The following STMN2 variants were observed in gnomAD, a reference collection of about 807,000 sequenced individuals.
The protein encoded by STMN2 is stathmin 2.
In STMN2, 2 loss-of-function variants were observed where a neutral mutation model predicts 24.1. The observed-to-expected ratio is 0.08, with a 90% CI of 0.03 to 0.26. The LOEUF (loss-of-function observed/expected upper bound fraction) is 0.26, where lower values mean the gene tolerates loss of function less well. Among genes scored for constraint, STMN2 ranks in the 10% least tolerant of loss-of-function variants. STMN2 has a pLI of 1.00. For synonymous variants in STMN2, 83 were observed against 77.5 expected, an observed-to-expected ratio of 1.07 and a Z score of -0.37; for missense variants, 114 against 213.6, an observed-to-expected ratio of 0.53 and a Z score of 2.91.
At chr8:79,632,229 G>A (rs1044806023) in intron 1 of STMN2, among the ~76,000 whole-genome samples, 2 of 152,082 alleles carry the variant, frequency 1.3e-5, no homozygotes, top group Non-Finnish European at 2.9e-5. Flanking sequence ...ATATAAATTG[G>A]TAAGCTTCAA....
At chr8:79,614,026 GT>G (rs1308403809) in intron 1 of STMN2, among the ~76,000 whole-genome samples, 1 of 152,094 alleles carries the variant, frequency 6.6e-6, no homozygotes. Context: ...AAAATTTTAA[GT>G]TTTTTCCCCT....
Position 79,663,540 on chromosome 8 carries a change from T to C in STMN2, c.481-1275T>C. The C allele has an allele frequency of 3.7e-6, 5 of 1,369,504 alleles. No homozygotes were observed. In the Admixed American group the frequency reaches 9.3e-5, roughly 26 times the overall value. 84.8% of individuals were successfully genotyped at this position (1,369,504 alleles called of 1,614,324 possible). A position where few individuals can be genotyped will look rare whatever the true frequency, so the allele number is the denominator to read the frequency against. ...AAAGAACCCTATAAGTGTAGACTCC[T>C]TGAGATTAATAGAGTTTAACGATAA... On this transcript the variant is annotated intron_variant, in intron 4 of 4. Transcript: ENST00000220876.
intron 1 of STMN2, among the ~76,000 whole-genome samples, chr8:79,629,495 CTAAAA>C: frequency 6.6e-6 from 1 of 152,076 alleles, no homozygotes; most frequent in East Asian, 1.9e-4. Context: ...GAATGAATGG[CTAAAA>C]TAAAACTCTA....
rs566230637 is a variant in STMN2 at position 79,660,086 on chromosome 8, T to A, written c.481-4729T>A. Among the ~76,000 whole-genome samples the A allele has an allele frequency of 1.1e-4, 17 of 152,290 alleles. No individual in the cohort carries two copies. The South Asian group carries it at 3.3e-3, about 30-fold the overall frequency. ...ATACCATTGGCTATAATCAAGCATA[T>A]AACACAACCATTTGAGAAGGAAAGT... On this transcript the variant is annotated intron_variant, in intron 4 of 4. Coordinates refer to ENST00000220876, the MANE Select transcript of STMN2 (RefSeq NM_007029.4).
At position 79,665,701 on chromosome 8, in the gene STMN2, G is replaced by T. The variant is rs1209308655; in HGVS notation, c.*827G>T. 6.5e-6 allele frequency: 1 copy of T among 154,392 alleles called. No individual in the cohort carries two copies. Among genetic ancestry groups the T allele is most frequent in the Non-Finnish European group, 1.5e-5 (1 of 68,208 alleles). 9.6% of individuals were successfully genotyped at this position (154,392 alleles called of 1,614,324 possible). ...ATGGAATGAATTAATTAATGTGTCA[G>T]GTGGCTTATTTGTGGATGCCATGAT... On this transcript the variant is annotated 3_prime_UTR_variant, in exon 5 of 5. Transcript: ENST00000220876.
chr8:79,614,073 C>A (rs1008648801), intron 1 of STMN2, among the ~76,000 whole-genome samples: 1 of 152,144 alleles, frequency 6.6e-6, no homozygotes, highest in African/African-American at 2.4e-5. Flanking sequence ...CTTGATACAG[C>A]CTCAATCCTA....
Position 79,627,839 on chromosome 8 carries a change from T to C in STMN2, c.20-8963T>C, listed in dbSNP as rs1226797886. Among the ~76,000 whole-genome samples the C allele has an allele frequency of 3.3e-5, 5 of 152,340 alleles. No homozygotes were observed. The East Asian group carries it at 9.6e-4, about 29-fold the overall frequency. On this transcript the variant is annotated intron_variant, in intron 1 of 4. Coordinates refer to ENST00000220876, the MANE Select transcript of STMN2 (RefSeq NM_007029.4). ...CTCTCTGCTTCTATGAGTTCTTTTTTAGTGAGATCATGCAGTATTTGTCTT... is the reference window on the plus strand; with the variant it reads ...CTCTCTGCTTCTATGAGTTCTTTTTCAGTGAGATCATGCAGTATTTGTCTT...
At chr8:79,646,583 T>C (rs1455746938) in intron 3 of STMN2, among the ~76,000 whole-genome samples, 1 of 151,788 alleles carries the variant, frequency 6.6e-6, no homozygotes, top group Non-Finnish European at 1.5e-5. Context: ...GGCCCTGAAA[T>C]AGGAATGTAT....
At chr8:79,619,973 G>T (rs1374482572) in intron 1 of STMN2, among the ~76,000 whole-genome samples, 2 of 151,578 alleles carry the variant, frequency 1.3e-5, no homozygotes, top group African/African-American at 4.8e-5. Flanking sequence ...TAAATCGCAT[G>T]ATCTATCTAT....
rs115318630 is a variant in STMN2 at position 79,647,443 on chromosome 8, C to T, written c.288+5893C>T. Among the ~76,000 whole-genome samples the T allele has an allele frequency of 4.0e-3, 603 of 152,276 alleles. 8 individuals are homozygous for T. The highest frequency in any genetic ancestry group is 0.013 in the African/African-American group (536 of 41,546). The stretch of plus-strand genomic sequence containing the variant: ...AGGCCTCTTTGTGGGACTTCAGGGA[C>T]CCCTTCAGGGAACTATGACCTAGGC... On this transcript the variant is annotated intron_variant, in intron 3 of 4. Coordinates refer to ENST00000220876, the MANE Select transcript of STMN2 (RefSeq NM_007029.4).
chr8:79,655,146 C>T (rs941327588), intron 4 of STMN2, 84 bp downstream of exon 4: 45 of 1,505,774 alleles, frequency 3.0e-5, no homozygotes, highest in South Asian at 7.8e-5. Context: ...AGCACAGAGA[C>T]GAAGTCAAAA....
intron 4 of STMN2, among the ~76,000 whole-genome samples, chr8:79,662,828 T>C (rs984630132): frequency 6.6e-6 from 1 of 152,120 alleles, no homozygotes; most frequent in Non-Finnish European, 1.5e-5. Flanking sequence ...TTGAGGCTTC[T>C]TTTTCCTAGC....
At chr8:79,660,151 A>C (rs1171432877) in intron 4 of STMN2, among the ~76,000 whole-genome samples, 1 of 152,196 alleles carries the variant, frequency 6.6e-6, no homozygotes, top group Non-Finnish European at 1.5e-5. Context: ...CTCTCAAGCA[A>C]TTCAGCATTT....
intron 3 of STMN2, among the ~76,000 whole-genome samples, chr8:79,642,562 A>T: frequency 6.6e-6 from 1 of 152,184 alleles, no homozygotes; most frequent in East Asian, 1.9e-4. Context: ...AACTTTGGAC[A>T]CTTCTATGTT....
At chr8:79,616,690 A>G (rs1177778392) in intron 1 of STMN2, among the ~76,000 whole-genome samples, 1 of 152,200 alleles carries the variant, frequency 6.6e-6, no homozygotes, top group African/African-American at 2.4e-5. Flanking sequence ...ACATTTTTAA[A>G]TCTATGGTAA....
chr8:79,625,389 C>T (rs1249214944), intron 1 of STMN2, among the ~76,000 whole-genome samples: 1 of 152,042 alleles, frequency 6.6e-6, no homozygotes, highest in Non-Finnish European at 1.5e-5. Context: ...GATTATCATC[C>T]TCATTTTTAC....
intron 2 of STMN2, among the ~76,000 whole-genome samples, chr8:79,637,638 A>T (rs932045180): frequency 2.6e-5 from 4 of 152,198 alleles, no homozygotes; most frequent in African/African-American, 9.6e-5. Flanking sequence ...AAATATGCAA[A>T]ACCAAGCCTA....
At chr8:79,615,495 A>AT (rs1160842884) in intron 1 of STMN2, among the ~76,000 whole-genome samples, 1 of 152,028 alleles carries the variant, frequency 6.6e-6, no homozygotes. Flanking sequence ...AAATGCTAGA[A>AT]TTTTTTCATT....
intron 4 of STMN2, among the ~76,000 whole-genome samples, chr8:79,656,448 G>C (rs1180763846): frequency 6.6e-6 from 1 of 152,202 alleles, no homozygotes; most frequent in Non-Finnish European, 1.5e-5. Context: ...ATTTGGAAGA[G>C]GCAACAGAAT....
Sources: gnomAD v4.1 joint callset for allele counts (sites outside exome capture counted in the v4.1 genomes callset) on GRCh38, gnomAD v4.1.1 for gene constraint, MANE v1.5 for transcripts, NCBI Gene and HGNC (gene_info 2026-07-23, HGNC 2026-07-21) for gene names.